Variants in POLR1C observed in about 807,000 individuals in gnomAD.
The protein encoded by POLR1C is DNA-directed RNA polymerases I and III subunit RPAC1.
Under a neutral mutation model 38.3 loss-of-function variants are expected in POLR1C, and 42 were observed. The observed-to-expected ratio is 1.10, with a 90% CI of 0.86 to 1.42. The LOEUF is 1.42. Among genes scored for constraint, POLR1C ranks in the 40% most tolerant of loss-of-function variants. The pLI is 0.00. For synonymous variants in POLR1C, 163 were observed against 163.9 expected, an observed-to-expected ratio of 0.99 and a Z score of 0.04; for missense variants, 507 against 450.5, an observed-to-expected ratio of 1.13 and a Z score of -1.14.
intron 2 of POLR1C, among the ~76,000 whole-genome samples, chr6:43,518,201 T>C (rs1318059276): frequency 6.6e-6 from 1 of 152,130 alleles, no homozygotes; most frequent in Non-Finnish European, 1.5e-5. Context: ...GGAATGAGTT[T>C]GAGGAGGATC....
chr6:43,545,290 G>A (rs1561874211), intron 9 of POLR1C, among the ~76,000 whole-genome samples: 2 of 152,208 alleles, frequency 1.3e-5, no homozygotes, highest in Non-Finnish European at 2.9e-5. Context: ...GGTCTTGGGT[G>A]TCTATTCCCA....
intron 9 of POLR1C, chr6:43,547,726 A>G: frequency 2.5e-6 from 4 of 1,607,114 alleles, no homozygotes; most frequent in Non-Finnish European, 2.6e-6. Context: ...TGGAGGGGGA[A>G]AAACAAGTTA....
At chr6:43,523,515 C>A (rs978151477), downstream of POLR1C, 6 of 431,670 alleles carry the variant, frequency 1.4e-5, no homozygotes, top group Admixed American at 9.2e-5. Context: ...GGGCACAGCA[C>A]CCTTAGTTAC....
At chr6:43,542,857 ACTC>A in intron 9 of POLR1C, among the ~76,000 whole-genome samples, 1 of 152,258 alleles carries the variant, frequency 6.6e-6, no homozygotes, top group Middle Eastern at 3.4e-3. Context: ...TAGGAATTCT[ACTC>A]CTATGTGTGT....
chr6:43,561,076 A>G, intron 10 of POLR1C: 3 of 1,264,564 alleles, frequency 2.4e-6, no homozygotes, highest in Non-Finnish European at 3.4e-6. Flanking sequence ...GCAGGGAAGT[A>G]ATAAAAACAG....
intron 10 of POLR1C, among the ~76,000 whole-genome samples, chr6:43,556,523 C>CAA (rs539768315): frequency 2.1e-4 from 15 of 71,938 alleles, no homozygotes; most frequent in Admixed American, 3.4e-4. Flanking sequence ...GACCATGTCT[C>CAA]AAAAAAAAAA....
rs1230868706 is a variant in POLR1C at position 43,558,593 on chromosome 6, TG to T, written c.*49-2805del. ...GTCTGTTTTAGAAGGAAAGCCCATCTGGAAAAAGAAAGGTAATTGGGGTAGG... is the reference window on the plus strand; with the variant it reads ...GTCTGTTTTAGAAGGAAAGCCCATCTGAAAAAGAAAGGTAATTGGGGTAGG... On this transcript the variant is annotated intron_variant, in intron 10 of 10. Coordinates refer to the POLR1C transcript ENST00000607635. The T allele has an allele frequency of 3.8e-6, 6 of 1,578,112 alleles. No homozygotes were observed. The African/African-American group carries it at 6.8e-5, about 18-fold the overall frequency.
At chr6:43,521,549 C>T (rs1364788332), downstream of POLR1C, 2 of 1,061,754 alleles carry the variant, frequency 1.9e-6, no homozygotes, top group African/African-American at 1.6e-5. Context: ...TTTTTTGAGA[C>T]AGTCTCACTG....
chr6:43,527,903 ACT>A (rs1310486528), intron 8 of POLR1C, among the ~76,000 whole-genome samples: 10 of 152,170 alleles, frequency 6.6e-5, no homozygotes, highest in African/African-American at 9.7e-5. Context: ...ATTACTAGTG[ACT>A]CTGTCCAGTT....
downstream of POLR1C, chr6:43,524,981 C>T (rs1414067667): frequency 1.2e-6 from 2 of 1,611,842 alleles, no homozygotes; most frequent in African/African-American, 1.3e-5. Context: ...GGGGAGACAA[C>T]TGTGCTTTAG....
chr6:43,538,139 C>CTTTTTTTTTTTTTTT (rs1160662301), intron 9 of POLR1C, among the ~76,000 whole-genome samples: 1 of 48,920 alleles, frequency 2.0e-5, no homozygotes, highest in African/African-American at 8.3e-5. Context: ...TAAGAGACAT[C>CTTTTTTTTTTTTTTT]TTTTTTTTTT....
chr6:43,524,998 A>G, downstream of POLR1C: 1 of 1,608,846 alleles, frequency 6.2e-7, no homozygotes, highest in Non-Finnish European at 8.5e-7. Flanking sequence ...TTAGGGCCAC[A>G]GGGGGCCTCT....
chr6:43,550,128 G>A (rs925388148), intron 9 of POLR1C, among the ~76,000 whole-genome samples: 1 of 152,080 alleles, frequency 6.6e-6, no homozygotes, highest in African/African-American at 2.4e-5. Flanking sequence ...AAGAGTCATC[G>A]GAGTCACAAT....
intron 4 of POLR1C, 56 bp downstream of exon 4, chr6:43,519,894 C>T (rs1314654353): frequency 1.3e-6 from 2 of 1,583,434 alleles, no homozygotes; most frequent in East Asian, 2.3e-5. Flanking sequence ...TCCTGGTTGA[C>T]TGTGATGTTG....
At chr6:43,549,661 C>T (rs1795135036) in intron 9 of POLR1C, 1 of 1,470,142 alleles carries the variant, frequency 6.8e-7, no homozygotes, top group African/African-American at 1.4e-5. Context: ...ATATCTCAGT[C>T]AGGGGCAAAT....
rs6928412 is a variant in POLR1C, at chr6:43,548,491, T to C, written c.*5-2477T>C. The C allele has an allele frequency of 0.048, 71,332 of 1,483,916 alleles. 4,455 individuals carry two copies. The highest frequency in any genetic ancestry group is 0.3 in the African/African-American group (21,308 of 70,644). The allele number at this position is 1,483,916 out of a possible 1,614,324, so 91.9% of individuals were successfully genotyped here. A position where few individuals can be genotyped will look rare whatever the true frequency, so the allele number is the denominator to read the frequency against. ...GATCAAAAAGAAAAAAAGCCAGAGG[T>C]GGTAAAGGTCTGATTTTCAAGGAGA... On this transcript the variant is annotated intron_variant, in intron 9 of 10. Transcript: ENST00000607635.
chr6:43,549,824 C>T, intron 9 of POLR1C: 1 of 1,468,986 alleles, frequency 6.8e-7, no homozygotes, highest in Non-Finnish European at 9.3e-7. Context: ...AAAATATAAA[C>T]TGAGTATCAG....
chr6:43,547,687 G>A, intron 9 of POLR1C: 1 of 1,613,952 alleles, frequency 6.2e-7, no homozygotes, highest in Non-Finnish European at 8.5e-7. Flanking sequence ...CGCAATGAAA[G>A]CATCAACATC....
intron 9 of POLR1C, chr6:43,546,474 A>G: frequency 3.3e-6 from 4 of 1,220,370 alleles, no homozygotes; most frequent in Non-Finnish European, 4.4e-6. Flanking sequence ...TCCCTCATTA[A>G]TACCACTAAG....
Sources: allele counts gnomAD v4.1 joint callset (sites outside exome capture counted in the v4.1 genomes callset), GRCh38; gene constraint gnomAD v4.1.1; transcripts MANE v1.5; gene names NCBI Gene and HGNC (gene_info 2026-07-23, HGNC 2026-07-21).